HTATSF1: variants seen among roughly 807,000 people sequenced by gnomAD.
HTATSF1 encodes 17S U2 SnRNP complex component HTATSF1.
HTATSF1 carries 6 observed loss-of-function variants against 46.1 expected under a neutral mutation model. That is an observed-to-expected ratio of 0.13 (90% CI 0.07 to 0.26). The LOEUF (loss-of-function observed/expected upper bound fraction) is 0.26. Ranked by LOEUF, HTATSF1 falls within the 10% of genes least tolerant of loss-of-function variation. HTATSF1 has a pLI of 1.00. For missense variants in HTATSF1, 452 were observed against 559.9 expected (o/e 0.81, Z 1.94); for synonymous variants, 226 against 211.5 (o/e 1.07, Z -0.60).
intron 2 of HTATSF1, 110 bp from the exon 3 acceptor site, chrX:136,500,048 A>G: frequency 1.8e-6 from 1 of 560,393 alleles, no homozygotes. Flanking sequence ...AGAGTAACAG[A>G]AAGGTCGTCC....
At chrX:136,501,240 C>T (rs1380097526) in intron 4 of HTATSF1, among the ~76,000 whole-genome samples, 4 of 112,200 alleles carry the variant, frequency 3.6e-5, no homozygotes, top group Non-Finnish European at 5.6e-5. Context: ...CACAGCCACA[C>T]TAATTCATTT....
At chrX:136,499,857 A>T in intron 2 of HTATSF1, 79 bp downstream of exon 2, 2 of 746,638 alleles carry the variant, frequency 2.7e-6, no homozygotes. Context: ...CTTTTTCGAG[A>T]ATTATAATAG....
chrX:136,504,235 T>A (rs985664190), intron 5 of HTATSF1, 129 bp from the exon 6 acceptor site: 1 of 439,331 alleles, frequency 2.3e-6, no homozygotes, highest in Non-Finnish European at 3.9e-6. Context: ...TACAGTTTGT[T>A]GTTGTAAAAT....
chrX:136,505,736 A>G (rs1194515651), intron 6 of HTATSF1, among the ~76,000 whole-genome samples: 1 of 111,483 alleles, frequency 9.0e-6, no homozygotes, highest in East Asian at 2.8e-4. Context: ...AGGTTATGGT[A>G]AGATCGCGCC....
chrX:136,499,834 A>G, intron 2 of HTATSF1, 56 bp downstream of exon 2: 1 of 928,325 alleles, frequency 1.1e-6, no homozygotes, highest in South Asian at 2.8e-5. Context: ...ATGGGTGTGC[A>G]TAGGTACAGT....
chrX:136,497,691 G>C lies in HTATSF1; in HGVS notation c.7G>C (p.Gly3Arg). 1 of 1,190,376 alleles carries C rather than the reference G, an allele frequency of 8.4e-7. No individual in the cohort carries two copies. The highest frequency in any genetic ancestry group is 1.8e-5 in the South Asian group (1 of 54,769). ...CCTGAGCTAGGTAGGAAACATGAGC[G>C]GCACCAACTTGGATGGGAACGATGA... MS[G>R]TNLDGNDEFD... is the part of the protein sequence containing the mutation. The change falls in exon 1 of 9, where the codon GGC becomes CGC. Residue 3 changes from glycine to arginine, a missense_variant. Gly to Arg is a moderately radical substitution (Grantham distance 125). Around this residue, in one of 3 missense-constraint regions of HTATSF1, gnomAD observed 89 missense variants for 92.3 expected, o/e 0.96. Coordinates refer to ENST00000218364, the MANE Select transcript of HTATSF1 (RefSeq NM_014500.5).
chrX:136,499,623 A>G lies in HTATSF1; in HGVS notation c.212A>G (p.Tyr71Cys). The G allele has an allele frequency of 8.4e-7, 1 of 1,191,388 alleles. No homozygotes were observed. The highest frequency in any genetic ancestry group is 1.1e-6 in the Non-Finnish European group (1 of 888,209). The change falls in exon 2 of 9, where the codon TAT becomes TGT. Residue 71 changes from tyrosine (Y) to cysteine (C), a missense_variant. Around this residue, in one of 3 missense-constraint regions of HTATSF1, gnomAD observed 89 missense variants for 92.3 expected, o/e 0.96. Transcript: ENST00000218364. ...ATTACTGAAGATTTCATTGCTACAT[A>G]TCAGGCCAATTATGGCTTCTCTAAC... is the stretch of plus-strand genomic sequence containing the variant. ...PKITEDFIAT[Y>C]QANYGFSNDG...
intron 8 of HTATSF1, among the ~76,000 whole-genome samples, chrX:136,510,583 A>G (rs1835486235): frequency 8.9e-6 from 1 of 112,547 alleles, no homozygotes; most frequent in South Asian, 3.6e-4. Context: ...GAGATGAGAC[A>G]TTTCTGCAGT....
intron 6 of HTATSF1, among the ~76,000 whole-genome samples, chrX:136,507,579 A>G (rs1194958863): frequency 9.1e-6 from 1 of 109,793 alleles, no homozygotes; most frequent in Non-Finnish European, 1.9e-5. Flanking sequence ...AAAAAGAAAG[A>G]AAGCAAAGCA....
At position 136,504,426 on chromosome X, in the gene HTATSF1, T is replaced by C. The variant is rs770177383; in HGVS notation, c.797T>C (p.Val266Ala). 1 of 1,209,220 alleles carries C rather than the reference T, an allele frequency of 8.3e-7. No homozygotes were observed. The highest frequency in any genetic ancestry group is 1.1e-6 in the Non-Finnish European group (1 of 894,004). ...TCCCGGATGCGCCATGAGCGAGTTG[T>C]CATCATCAAGAATATGTTTCATCCT... The part of the protein sequence containing the change: ...GPSRMRHERV[V>A]IIKNMFHPMD... Residue 266 changes from valine (V) to alanine (A), a missense_variant, in exon 6 of 9, where the codon GTC becomes GCC. Coordinates refer to ENST00000218364, the MANE Select transcript of HTATSF1 (RefSeq NM_014500.5).
upstream of HTATSF1, chrX:136,497,566 G>C: frequency 1.8e-6 from 1 of 556,871 alleles, no homozygotes; most frequent in Non-Finnish European, 2.7e-6. Context: ...GCGGGGAGGC[G>C]GGCCGGGGGG....
chrX:136,507,687 T>C (rs2075748760), intron 6 of HTATSF1, among the ~76,000 whole-genome samples: 1 of 112,048 alleles, frequency 8.9e-6, no homozygotes, highest in Non-Finnish European at 1.9e-5. Context: ...AGTTTTTTTT[T>C]TGTTTTTGAT....
At chrX:136,507,402 C>T (rs1235841674) in intron 6 of HTATSF1, among the ~76,000 whole-genome samples, 1 of 111,166 alleles carries the variant, frequency 9.0e-6, no homozygotes, top group Non-Finnish European at 1.9e-5. Flanking sequence ...AGAGTCAAAA[C>T]TCAAATGCAT....
chrX:136,511,627 G>A lies in HTATSF1; in HGVS notation c.1882G>A (p.Glu628Lys). 1.7e-6 allele frequency: 2 copies of A among 1,211,035 alleles called. No homozygotes were observed. Among genetic ancestry groups the A allele is most frequent in the Non-Finnish European group, 2.2e-6 (2 of 895,056 alleles). ...REFDEDSDEK[E>K]EEEDTYEKVF... Reference sequence around the variant, plus strand: ...GTTTGACGAAGATTCAGATGAAAAGGAAGAAGAGGAGGATACATATGAAAA... The same window carrying A: ...GTTTGACGAAGATTCAGATGAAAAGAAAGAAGAGGAGGATACATATGAAAA... Residue 628 changes from glutamate (E) to lysine (K), a missense_variant, in exon 9 of 9, where the codon GAA (glutamate) becomes AAA (lysine). Around this residue, in one of 3 missense-constraint regions of HTATSF1, gnomAD observed 246 missense variants for 245.3 expected, o/e 1.00. Coordinates refer to ENST00000218364, the MANE Select transcript of HTATSF1 (RefSeq NM_014500.5).
At position 136,497,679 on chromosome X, in the gene HTATSF1, G is replaced by A; in HGVS notation, c.-6G>A. 8.4e-7 allele frequency: 1 copy of A among 1,187,973 alleles called. No homozygotes were observed. On this transcript the variant is annotated 5_prime_UTR_variant, in exon 1 of 9. Transcript: ENST00000218364. ...CTGAACCCTGCTCCTGAGCTAGGTAGGAAACATGAGCGGCACCAACTTGGA... is the reference window on the plus strand; with the variant it reads ...CTGAACCCTGCTCCTGAGCTAGGTAAGAAACATGAGCGGCACCAACTTGGA...
chrX:136,500,665 T>C lies in HTATSF1; in HGVS notation c.417T>C (p.Gly139=). 8.9e-7 allele frequency: 1 copy of C among 1,121,736 alleles called. No individual in the cohort carries two copies. The highest frequency in any genetic ancestry group is 1.2e-6 in the Non-Finnish European group (1 of 846,937). 92.4% of individuals were successfully genotyped at this position (1,121,736 alleles called of 1,213,427 possible). ...EDRNTNVYVS[G]LPPDITVDEF... Reference sequence around the variant, plus strand: ...TTTTTAATTTTTCTTAAATGACAGGTTTGCCTCCAGATATTACAGTGGATG... The same window carrying C: ...TTTTTAATTTTTCTTAAATGACAGGCTTGCCTCCAGATATTACAGTGGATG... Residue 139 remains glycine (G), a splice_region_variant and synonymous_variant, in exon 4 of 9, where the codon GGT becomes GGC. Coordinates refer to ENST00000218364, the MANE Select transcript of HTATSF1 (RefSeq NM_014500.5).
In HTATSF1 at chrX:136,512,268, A is replaced by G; in HGVS notation, c.*255A>G. The G allele has an allele frequency of 3.8e-6, 1 of 265,333 alleles. No homozygotes were observed. The highest frequency in any genetic ancestry group is 6.7e-6 in the Non-Finnish European group (1 of 149,888). The allele number at this position is 265,333 out of a possible 1,213,427, so 21.9% of individuals were successfully genotyped here. ...GTCAGATTTGTTAAATGCATGCAGAATAATATTTTTAAGAGTATTGATTGA... is the reference window on the plus strand; with the variant it reads ...GTCAGATTTGTTAAATGCATGCAGAGTAATATTTTTAAGAGTATTGATTGA... On this transcript the variant is annotated 3_prime_UTR_variant, in exon 9 of 9. Coordinates refer to ENST00000218364, the MANE Select transcript of HTATSF1 (RefSeq NM_014500.5).
Position 136,503,935 on chromosome X carries a change from A to G in HTATSF1, c.735-429A>G, listed in dbSNP as rs548803244. On this transcript the variant is annotated intron_variant, in intron 5 of 8. Transcript: ENST00000218364. Reference sequence around the variant, plus strand: ...ACACAGGCTGGAGTGCAGGGGTGCAATGTTGGCTCACTGCAACCTGTACCT... The same window carrying G: ...ACACAGGCTGGAGTGCAGGGGTGCAGTGTTGGCTCACTGCAACCTGTACCT... 2.9e-4 allele frequency among the ~76,000 whole-genome samples: 32 copies of G among 111,127 alleles called. No homozygotes were observed. In the South Asian group the frequency reaches 5.3e-3, roughly 18 times the overall value.
intron 6 of HTATSF1, among the ~76,000 whole-genome samples, chrX:136,507,890 C>A (rs745688480): frequency 8.1e-5 from 9 of 111,618 alleles, no homozygotes; most frequent in Admixed American, 2.9e-4. Context: ...CCCACACACA[C>A]ACACACATGT....
Sources: gnomAD v4.1 joint callset for allele counts (sites outside exome capture counted in the v4.1 genomes callset) on GRCh38, gnomAD v4.1.1 for gene constraint, gnomAD v4.1.1 regional missense constraint, MANE v1.5 for transcripts, NCBI Gene and HGNC (gene_info 2026-07-23, HGNC 2026-07-21) for gene names.